Variants in ADAM2 observed in about 807,000 individuals in gnomAD.
ADAM2 encodes disintegrin and metalloproteinase domain-containing protein 2.
Under a neutral mutation model 99.3 loss-of-function variants are expected in ADAM2, and 101 were observed. The ratio of observed to expected loss-of-function variants is 1.02; its 90% CI spans 0.87 to 1.20. The LOEUF is 1.20. Among genes scored for constraint, ADAM2 ranks in the 50% most tolerant of loss-of-function variants. The pLI is 0.00. For missense variants in ADAM2, 948 were observed against 878.7 expected (o/e 1.08, Z -1.00); for synonymous variants, 323 against 287.6 (o/e 1.12, Z -1.25).
intron 12 of ADAM2, among the ~76,000 whole-genome samples, chr8:39,768,421 C>T (rs1470068557): frequency 6.6e-6 from 1 of 152,112 alleles, no homozygotes; most frequent in Non-Finnish European, 1.5e-5. Flanking sequence ...TTCAATATCT[C>T]CTTTCCCTTA....
chr8:39,803,406 C>G (rs1804297282), intron 7 of ADAM2, among the ~76,000 whole-genome samples: 1 of 152,292 alleles, frequency 6.6e-6, no homozygotes, highest in African/African-American at 2.4e-5. Context: ...ATAGGGGATT[C>G]TCGCAACCAA....
At chr8:39,796,158 A>C (rs377319019) in intron 7 of ADAM2, among the ~76,000 whole-genome samples, 1 of 151,276 alleles carries the variant, frequency 6.6e-6, no homozygotes, top group South Asian at 2.1e-4. Flanking sequence ...GGTTTCCTAC[A>C]CCTATTGACT....
chr8:39,789,004 AAAATAATTATAAT>A (rs1803591569), intron 7 of ADAM2, among the ~76,000 whole-genome samples: 1 of 151,492 alleles, frequency 6.6e-6, no homozygotes, highest in Non-Finnish European at 1.5e-5. Flanking sequence ...TACTATCAAC[AAAATAATTATAAT>A]AATTATTAAA....
Position 39,777,023 on chromosome 8 carries a change from A to G in ADAM2, c.1028+2T>C. 6.4e-7 allele frequency: 1 copy of G among 1,551,062 alleles called. No individual in the cohort carries two copies. The highest frequency in any genetic ancestry group is 8.9e-7 in the Non-Finnish European group (1 of 1,125,956). On this transcript the variant is annotated splice_donor_variant, in intron 11 of 20. Coordinates refer to ENST00000265708, the MANE Select transcript of ADAM2 (RefSeq NM_001464.5). LOFTEE classifies it high-confidence loss of function. ...GTAAAGTATAAAAGTCAGAAATCTT[A>G]CATTGCTTCTGGATTCATAATGCAG...
intron 19 of ADAM2, among the ~76,000 whole-genome samples, chr8:39,746,118 C>CAG (rs1823437219): frequency 6.6e-6 from 1 of 152,072 alleles, no homozygotes; most frequent in Non-Finnish European, 1.5e-5. Context: ...CTCTGCCTCC[C>CAG]AGGCTCAAGT....
chr8:39,816,402 A>C (rs1398975615), intron 6 of ADAM2, among the ~76,000 whole-genome samples: 2 of 152,236 alleles, frequency 1.3e-5, no homozygotes, highest in African/African-American at 2.4e-5. Context: ...ATAATCTGGC[A>C]GCCACTCAAA....
At chr8:39,795,948 C>A (rs370994647) in intron 7 of ADAM2, among the ~76,000 whole-genome samples, 1 of 152,086 alleles carries the variant, frequency 6.6e-6, no homozygotes, top group African/African-American at 2.4e-5. Context: ...ATTTATTCTG[C>A]AAACCCAATG....
At chr8:39,786,840 A>G in intron 10 of ADAM2, 134 bp downstream of exon 10, 2 of 641,258 alleles carry the variant, frequency 3.1e-6, no homozygotes, top group South Asian at 5.7e-5. Context: ...TTATAGTTTA[A>G]ACATTTCTGT....
intron 7 of ADAM2, among the ~76,000 whole-genome samples, chr8:39,808,798 C>G (rs1409771732): frequency 6.6e-6 from 1 of 152,066 alleles, no homozygotes; most frequent in African/African-American, 2.4e-5. Flanking sequence ...TGCCTGTAGT[C>G]CCAGTTACTT....
At chr8:39,757,239 G>A (rs1802182683) in intron 15 of ADAM2, among the ~76,000 whole-genome samples, 1 of 152,000 alleles carries the variant, frequency 6.6e-6, no homozygotes, top group Non-Finnish European at 1.5e-5. Flanking sequence ...AACTACGGCT[G>A]CCTTCTTGGT....
chr8:39,836,709 A>G (rs1449953535), intron 2 of ADAM2, among the ~76,000 whole-genome samples: 1 of 152,240 alleles, frequency 6.6e-6, no homozygotes, highest in Non-Finnish European at 1.5e-5. Flanking sequence ...TCATTAACAT[A>G]TTCGCAATCA....
Position 39,818,390 on chromosome 8 carries a change from C to G in ADAM2, c.513+2612G>C, listed in dbSNP as rs1805039427. Among the ~76,000 whole-genome samples, 5 of 151,858 alleles carry G rather than the reference C, an allele frequency of 3.3e-5. No homozygotes were observed. The South Asian group carries it at 1.0e-3, about 31-fold the overall frequency. ...AATCCAACAACCCTTAATGACAAAA[C>G]AAAAATCATTAACAAACTAACACTG... On this transcript the variant is annotated intron_variant, in intron 6 of 20. Transcript: ENST00000265708.
chr8:39,774,194 A>G (rs1802896641), intron 11 of ADAM2, among the ~76,000 whole-genome samples: 1 of 152,016 alleles, frequency 6.6e-6, no homozygotes, highest in Non-Finnish European at 1.5e-5. Context: ...GTCTCTCTGT[A>G]AAACCTTCAG....
Position 39,838,203 on chromosome 8 carries a change from C to T in ADAM2, c.-18G>A. On this transcript the variant is annotated 5_prime_UTR_variant, in exon 1 of 21. Transcript: ENST00000265708. ...CGCCACATGGCTTGAAGTCCTGGGT[C>T]CCAGCCGGAATAATGGCAGTTGGTG... 1 of 1,614,036 alleles carries T rather than the reference C, an allele frequency of 6.2e-7. No homozygotes were observed. Among genetic ancestry groups the T allele is most frequent in the Non-Finnish European group, 8.5e-7 (1 of 1,179,978 alleles).
intron 4 of ADAM2, 109 bp from the exon 5 acceptor site, chr8:39,821,771 G>A (rs538557379): frequency 1.4e-6 from 1 of 729,632 alleles, no homozygotes; most frequent in African/African-American, 1.8e-5. Flanking sequence ...AAACACTCAT[G>A]TTTCAAAAAT....
intron 7 of ADAM2, among the ~76,000 whole-genome samples, chr8:39,807,177 G>A (rs6474177): frequency 0.7 from 107,189 of 152,102 alleles, 38,336 homozygotes; most frequent in East Asian, 0.87. Context: ...TACAATCTAA[G>A]TAAATTTGTC....
intron 7 of ADAM2, among the ~76,000 whole-genome samples, chr8:39,804,095 G>A (rs1438019708): frequency 6.6e-6 from 1 of 152,206 alleles, no homozygotes; most frequent in Non-Finnish European, 1.5e-5. Context: ...ACAAGAGTTT[G>A]TGGATGTTCT....
chr8:39,749,024 T>C (rs1030005363), intron 18 of ADAM2, among the ~76,000 whole-genome samples: 5 of 152,136 alleles, frequency 3.3e-5, no homozygotes, highest in African/African-American at 1.2e-4. Flanking sequence ...AATCTTCTCA[T>C]CTATGCAATT....
intron 1 of ADAM2, among the ~76,000 whole-genome samples, chr8:39,837,438 G>A (rs1398151097): frequency 6.6e-6 from 1 of 151,486 alleles, no homozygotes; most frequent in Non-Finnish European, 1.5e-5. Flanking sequence ...CCAGGCTGGA[G>A]TGCAGTGGTG....
Sources: allele counts gnomAD v4.1 joint callset (sites outside exome capture counted in the v4.1 genomes callset), GRCh38; gene constraint gnomAD v4.1.1; transcripts MANE v1.5; gene names NCBI Gene and HGNC (gene_info 2026-07-23, HGNC 2026-07-21).